Variants in BMERB1 observed in about 807,000 individuals in gnomAD.
BMERB1 encodes bMERB domain containing 1, also known as bMERB domain-containing protein 1.
BMERB1 carries 12 observed loss-of-function variants against 23.6 expected under a neutral mutation model. That is an observed-to-expected ratio of 0.51 (90% CI 0.33 to 0.82). The LOEUF (loss-of-function observed/expected upper bound fraction) is 0.82. Among genes scored for constraint, BMERB1 ranks in the 40% least tolerant of loss-of-function variants. The pLI, the probability that BMERB1 is intolerant of heterozygous loss-of-function variation, is 0.03. For missense variants in BMERB1, 247 were observed against 255.4 expected (o/e 0.97, Z 0.22); for synonymous variants, 122 against 96.6 (o/e 1.26, Z -1.54).
At chr16:15,509,326 G>GA (rs1555509529) in intron 1 of BMERB1, among the ~76,000 whole-genome samples, 2 of 129,892 alleles carry the variant, frequency 1.5e-5, no homozygotes, top group Non-Finnish European at 3.1e-5. Context: ...TTGTGGAGTG[G>GA]AAGGGGGGTG....
At chr16:15,540,196 A>G (rs1412576098) in intron 2 of BMERB1, among the ~76,000 whole-genome samples, 2 of 152,228 alleles carry the variant, frequency 1.3e-5, no homozygotes, top group East Asian at 3.9e-4. Context: ...TTAGGTTTGC[A>G]TTTATGGTGA....
chr16:15,441,702 G>A (rs2050940528), intron 1 of BMERB1, among the ~76,000 whole-genome samples: 1 of 151,936 alleles, frequency 6.6e-6, no homozygotes, highest in African/African-American at 2.4e-5. Flanking sequence ...TGAATTTTTG[G>A]TAGAGATGGG....
At chr16:15,583,030 A>G (rs944735486) in intron 4 of BMERB1, 126 bp from the exon 5 acceptor site, 7 of 747,620 alleles carry the variant, frequency 9.4e-6, no homozygotes, top group Admixed American at 7.5e-5. Flanking sequence ...CACGCATAAC[A>G]CGTGACAACA....
At chr16:15,448,569 G>T (rs1212710268) in intron 1 of BMERB1, among the ~76,000 whole-genome samples, 1 of 152,132 alleles carries the variant, frequency 6.6e-6, no homozygotes, top group Non-Finnish European at 1.5e-5. Context: ...CCACGCGGGT[G>T]GGTCACTTGA....
At chr16:15,557,211 A>T (rs1009901290) in intron 2 of BMERB1, among the ~76,000 whole-genome samples, 2 of 152,152 alleles carry the variant, frequency 1.3e-5, no homozygotes, top group Admixed American at 6.5e-5. Flanking sequence ...GCTGAATGAC[A>T]CGGGTTGGCT....
rs146648595 is a variant in BMERB1 at position 15,458,517 on chromosome 16, C to T, written c.106+23758C>T. 3.2e-3 allele frequency among the ~76,000 whole-genome samples: 477 copies of T among 151,406 alleles called. 5 individuals carry two copies. The highest frequency in any genetic ancestry group is 0.011 in the African/African-American group (438 of 41,264). ...ATTACCTGAACTCAGGAGTTTGAGA[C>T]GAGCCTGGGCAACATGGTGAAACCC... On this transcript the variant is annotated intron_variant, in intron 1 of 5. Coordinates refer to ENST00000300006, the MANE Select transcript of BMERB1 (RefSeq NM_033201.3).
chr16:15,514,258 G>T (rs970081113), intron 1 of BMERB1, among the ~76,000 whole-genome samples: 1 of 152,106 alleles, frequency 6.6e-6, no homozygotes, highest in African/African-American at 2.4e-5. Flanking sequence ...ACAGAGTGAG[G>T]CCTAGTCTCC....
rs143444350 is a variant in BMERB1 at position 15,463,258 on chromosome 16, A to AAT, written c.106+28510_106+28511dup. On this transcript the variant is annotated intron_variant, in intron 1 of 5. Coordinates refer to ENST00000300006, the MANE Select transcript of BMERB1 (RefSeq NM_033201.3). ...TATGTCTGGCCAATTAAATCAATTA[A>AAT]ATATATATATATTTTGTAGAGGCGG... 4.9e-4 allele frequency among the ~76,000 whole-genome samples: 73 copies of AAT among 148,332 alleles called. No individual in the cohort carries two copies. The East Asian group carries it at 0.012, about 24-fold the overall frequency.
At position 15,581,214 on chromosome 16, in the gene BMERB1, C is replaced by T; in HGVS notation, c.305-3C>T. The T allele has an allele frequency of 6.2e-7, 1 of 1,606,210 alleles. No homozygotes were observed. Among genetic ancestry groups the T allele is most frequent in the Non-Finnish European group, 8.5e-7 (1 of 1,175,822 alleles). ...TGTCTCCTTGTTGATGTCTTCTTTC[C>T]AGAAAAAGAAAAAACCAAACTGCAG... On this transcript the variant is annotated splice_polypyrimidine_tract_variant and splice_region_variant and intron_variant, in intron 3 of 5. Coordinates refer to ENST00000300006, the MANE Select transcript of BMERB1 (RefSeq NM_033201.3).
chr16:15,479,321 G>T (rs2051299557), intron 1 of BMERB1, among the ~76,000 whole-genome samples: 1 of 152,168 alleles, frequency 6.6e-6, no homozygotes, highest in African/African-American at 2.4e-5. Flanking sequence ...GTGGCCTAAT[G>T]TTTTGTAAAT....
intron 2 of BMERB1, among the ~76,000 whole-genome samples, chr16:15,559,324 G>A (rs2030354039): frequency 6.6e-6 from 1 of 152,152 alleles, no homozygotes; most frequent in Non-Finnish European, 1.5e-5. Context: ...GTTGCCTCCT[G>A]GACAAATCAG....
intron 1 of BMERB1, among the ~76,000 whole-genome samples, chr16:15,491,543 A>G (rs1342812014): frequency 6.6e-6 from 1 of 152,194 alleles, no homozygotes; most frequent in Non-Finnish European, 1.5e-5. Flanking sequence ...ACTAAAATCC[A>G]AACTTTTCAG....
At chr16:15,518,327 C>G (rs1264198024) in intron 2 of BMERB1, among the ~76,000 whole-genome samples, 1 of 152,172 alleles carries the variant, frequency 6.6e-6, no homozygotes, top group Non-Finnish European at 1.5e-5. Context: ...GGGAGGGACC[C>G]CCTTCCAGGC....
chr16:15,484,988 G>A (rs1054475067), intron 1 of BMERB1, among the ~76,000 whole-genome samples: 16 of 152,180 alleles, frequency 1.1e-4, no homozygotes, highest in African/African-American at 3.6e-4. Flanking sequence ...ACTTGTGTTG[G>A]CTTCACTCTC....
intron 3 of BMERB1, among the ~76,000 whole-genome samples, chr16:15,570,615 C>T (rs773629152): frequency 2.6e-5 from 4 of 151,914 alleles, no homozygotes; most frequent in African/African-American, 4.8e-5. Context: ...GGACCAAGAG[C>T]AAGAAAGAAT....
intron 1 of BMERB1, among the ~76,000 whole-genome samples, chr16:15,479,367 A>T (rs962953671): frequency 2.6e-5 from 4 of 152,344 alleles, no homozygotes; most frequent in African/African-American, 9.6e-5. Flanking sequence ...ATACTTGAGC[A>T]AAAGATCTTT....
chr16:15,458,109 C>T (rs770285103), intron 1 of BMERB1, among the ~76,000 whole-genome samples: 2 of 152,204 alleles, frequency 1.3e-5, no homozygotes, highest in Non-Finnish European at 2.9e-5. Flanking sequence ...GGTGGGGACA[C>T]AAAGCCTAAC....
intron 2 of BMERB1, among the ~76,000 whole-genome samples, chr16:15,516,288 G>T (rs144903069): frequency 0.013 from 1,914 of 151,820 alleles, 14 homozygotes; most frequent in Non-Finnish European, 0.023. Context: ...GTGTGTGGCT[G>T]TGTGTGCCTT....
At chr16:15,513,607 T>C (rs984940805) in intron 1 of BMERB1, among the ~76,000 whole-genome samples, 7 of 152,106 alleles carry the variant, frequency 4.6e-5, no homozygotes, top group Non-Finnish European at 1.5e-5. Context: ...CTTTATAAAG[T>C]GTGTCTGCCC....
Sources: gnomAD v4.1 joint callset for allele counts (sites outside exome capture counted in the v4.1 genomes callset) on GRCh38, gnomAD v4.1.1 for gene constraint, MANE v1.5 for transcripts, NCBI Gene and HGNC (gene_info 2026-07-23, HGNC 2026-07-21) for gene names.